The following MRPS27 variants were observed in gnomAD, a reference collection of about 807,000 sequenced individuals.
MRPS27 encodes small ribosomal subunit protein mS27.
Under a neutral mutation model 48.9 loss-of-function variants are expected in MRPS27, and 43 were observed. The observed-to-expected ratio is 0.88, with a 90% CI of 0.69 to 1.13. MRPS27 has a LOEUF of 1.13. MRPS27 is among the 50% of genes most tolerant of loss of function. MRPS27 has a pLI of 0.00. For synonymous variants in MRPS27, 188 were observed against 171.9 expected, an observed-to-expected ratio of 1.09 and a Z score of -0.73; for missense variants, 467 against 476.3, an observed-to-expected ratio of 0.98 and a Z score of 0.18.
chr5:72,249,226 C>T (rs1748591135), intron 4 of MRPS27, among the ~76,000 whole-genome samples: 1 of 152,200 alleles, frequency 6.6e-6, no homozygotes. Context: ...TATGAAATTA[C>T]TTATTACAAC....
At chr5:72,319,374 C>A (rs1330632013) in intron 1 of MRPS27, among the ~76,000 whole-genome samples, 1 of 152,066 alleles carries the variant, frequency 6.6e-6, no homozygotes, top group Non-Finnish European at 1.5e-5. Context: ...TGCTCTAGGT[C>A]ATCAGATAAA....
At chr5:72,304,384 C>T (rs796556984) in intron 2 of MRPS27, among the ~76,000 whole-genome samples, 30 of 151,814 alleles carry the variant, frequency 2.0e-4, no homozygotes, top group East Asian at 1.9e-3. Flanking sequence ...TGTAAATAGA[C>T]GAAATTTTCT....
chr5:72,271,286 C>T (rs1749235216), intron 4 of MRPS27, among the ~76,000 whole-genome samples: 1 of 152,164 alleles, frequency 6.6e-6, no homozygotes, highest in South Asian at 2.1e-4. Flanking sequence ...TAATCAAGCT[C>T]TCAGAATCTG....
At chr5:72,306,386 T>C (rs1389000587) in intron 2 of MRPS27, among the ~76,000 whole-genome samples, 1 of 152,224 alleles carries the variant, frequency 6.6e-6, no homozygotes, top group Non-Finnish European at 1.5e-5. Flanking sequence ...GAAGTATTTA[T>C]ACCAAAAGAC....
intron 4 of MRPS27, among the ~76,000 whole-genome samples, chr5:72,243,501 G>A (rs958739066): frequency 6.6e-6 from 1 of 152,072 alleles, no homozygotes; most frequent in African/African-American, 2.4e-5. Context: ...AGAGGGCAGG[G>A]TTTAATACAG....
chr5:72,231,425 T>C (rs186046704), intron 7 of MRPS27, among the ~76,000 whole-genome samples: 4 of 152,260 alleles, frequency 2.6e-5, no homozygotes, highest in African/African-American at 9.6e-5. Context: ...TATAGTCTTT[T>C]CTTAGATTTC....
chr5:72,245,323 T>C lies in MRPS27; in HGVS notation c.282-7195A>G, dbSNP rs115423329. On this transcript the variant is annotated intron_variant, in intron 4 of 10. Coordinates refer to ENST00000261413, the MANE Select transcript of MRPS27 (RefSeq NM_015084.3). ...GGAACCAGTCCTGTTTATAAAAGCA[T>C]ATAAAGTTATGGAAACTGGCTTGGT... Among the ~76,000 whole-genome samples, 1,291 of 152,312 alleles carry C rather than the reference T, an allele frequency of 8.5e-3. 20 individuals are homozygous for C. Among genetic ancestry groups the C allele is most frequent in the Non-Finnish European group, 9.5e-3 (646 of 68,024 alleles).
chr5:72,308,613 C>A (rs1406336668), intron 2 of MRPS27, among the ~76,000 whole-genome samples: 1 of 152,236 alleles, frequency 6.6e-6, no homozygotes, highest in Non-Finnish European at 1.5e-5. Flanking sequence ...ATCTCCAGAG[C>A]TGGAGCCACG....
intron 2 of MRPS27, among the ~76,000 whole-genome samples, chr5:72,303,715 T>A (rs1750182581): frequency 6.6e-6 from 1 of 151,796 alleles, no homozygotes; most frequent in South Asian, 2.1e-4. Context: ...GTATAAACTA[T>A]CAACCTAAAA....
At chr5:72,250,881 TCA>T in intron 4 of MRPS27, among the ~76,000 whole-genome samples, 1 of 152,316 alleles carries the variant, frequency 6.6e-6, no homozygotes, top group Non-Finnish European at 1.5e-5. Flanking sequence ...GATATCAGCA[TCA>T]GAGAGAACTT....
Position 72,219,581 on chromosome 5 carries a change from A to G in MRPS27, c.*1328T>C, listed in dbSNP as rs2111921427. On this transcript the variant is annotated 3_prime_UTR_variant, in exon 11 of 11. Coordinates refer to ENST00000261413, the MANE Select transcript of MRPS27 (RefSeq NM_015084.3). ...TTTTGATAGAAGAGCACAATCTTGA[A>G]TAAAATTACACCACTGTACTTAAGG... 6.6e-6 allele frequency: 1 copy of G among 152,338 alleles called. No homozygotes were observed. Among genetic ancestry groups the G allele is most frequent in the South Asian group, 2.1e-4 (1 of 4,824 alleles). 9.4% of individuals were successfully genotyped at this position (152,338 alleles called of 1,614,324 possible).
rs186356680 is a variant in MRPS27 at position 72,281,727 on chromosome 5, T to C, written c.281+13804A>G. Among the ~76,000 whole-genome samples, 8 of 152,320 alleles carry C rather than the reference T, an allele frequency of 5.3e-5. No homozygotes were observed. In the East Asian group the frequency reaches 1.5e-3, roughly 29 times the overall value. ...AGCACTGTGTAAGTGTGTAAGTCTG[T>C]TATTACCTGCTATTATTCAGCAAAT... On this transcript the variant is annotated intron_variant, in intron 4 of 10. Transcript: ENST00000261413.
intron 2 of MRPS27, among the ~76,000 whole-genome samples, chr5:72,303,021 T>A (rs1345117675): frequency 6.6e-6 from 1 of 152,238 alleles, no homozygotes; most frequent in Non-Finnish European, 1.5e-5. Flanking sequence ...GAGAATTTTG[T>A]TTGAAGAGTT....
chr5:72,300,119 A>C (rs1330763254), intron 2 of MRPS27, among the ~76,000 whole-genome samples: 1 of 152,228 alleles, frequency 6.6e-6, no homozygotes, highest in Non-Finnish European at 1.5e-5. Context: ...CAACACATTC[A>C]ACTGACACCA....
At chr5:72,274,040 T>C (rs1749313143) in intron 4 of MRPS27, among the ~76,000 whole-genome samples, 1 of 152,186 alleles carries the variant, frequency 6.6e-6, no homozygotes, top group Non-Finnish European at 1.5e-5. Context: ...TTTAAAATTC[T>C]TAGTTAAAAT....
chr5:72,280,849 C>T (rs1749515559), intron 4 of MRPS27, among the ~76,000 whole-genome samples: 1 of 152,246 alleles, frequency 6.6e-6, no homozygotes, highest in Non-Finnish European at 1.5e-5. Flanking sequence ...CTTCTTCTCC[C>T]TTCTTCACAG....
chr5:72,306,366 CACTT>C (rs1324844112), intron 2 of MRPS27, among the ~76,000 whole-genome samples: 2 of 152,190 alleles, frequency 1.3e-5, no homozygotes, highest in African/African-American at 2.4e-5. Context: ...CACAAGTAAA[CACTT>C]ACTATGAAGT....
chr5:72,250,355 G>A (rs903092911), intron 4 of MRPS27, among the ~76,000 whole-genome samples: 3 of 152,154 alleles, frequency 2.0e-5, no homozygotes, highest in Admixed American at 1.3e-4. Flanking sequence ...GTTTTTCAAG[G>A]TGCATGACTT....
intron 4 of MRPS27, among the ~76,000 whole-genome samples, chr5:72,252,022 A>G (rs1748680164): frequency 6.6e-6 from 1 of 152,242 alleles, no homozygotes; most frequent in African/African-American, 2.4e-5. Context: ...ACATGAAAAC[A>G]AAGGCCACTA....
Sources: gnomAD v4.1 joint callset for allele counts (sites outside exome capture counted in the v4.1 genomes callset) on GRCh38, gnomAD v4.1.1 for gene constraint, MANE v1.5 for transcripts, NCBI Gene and HGNC (gene_info 2026-07-23, HGNC 2026-07-21) for gene names.